The following LHPP variants were observed in gnomAD, a reference collection of about 807,000 sequenced individuals.
LHPP encodes hLHPP.
Under a neutral mutation model 30.3 loss-of-function variants are expected in LHPP, and 24 were observed. The ratio of observed to expected loss-of-function variants is 0.79; its 90% CI spans 0.57 to 1.11. The LOEUF (loss-of-function observed/expected upper bound fraction) is 1.11. Ranked by LOEUF, LHPP falls within the 50% of genes most tolerant of loss-of-function variation. The pLI is 0.00. For missense variants in LHPP, 356 were observed against 367.2 expected, an observed-to-expected ratio of 0.97 and a Z score of 0.25; for synonymous variants, 150 against 157.1, an observed-to-expected ratio of 0.95 and a Z score of 0.34.
At chr10:124,470,302 C>G (rs551521306) in intron 1 of LHPP, among the ~76,000 whole-genome samples, 1 of 152,128 alleles carries the variant, frequency 6.6e-6, no homozygotes, top group African/African-American at 2.4e-5. Flanking sequence ...AGCCCAGGCC[C>G]GGCTCGGCGT....
At chr10:124,471,846 C>G (rs1050416992) in intron 1 of LHPP, among the ~76,000 whole-genome samples, 4 of 147,398 alleles carry the variant, frequency 2.7e-5, no homozygotes, top group Non-Finnish European at 4.5e-5. Context: ...ATTGCCCAGG[C>G]TGGTCTCAAA....
At chr10:124,568,218 CTTAT>C (rs1189556654) in intron 6 of LHPP, among the ~76,000 whole-genome samples, 1 of 152,162 alleles carries the variant, frequency 6.6e-6, no homozygotes, top group Non-Finnish European at 1.5e-5. Context: ...CCGGCTGGTT[CTTAT>C]TTCTTTAATT....
In LHPP at chr10:124,576,134, G is replaced by A. The variant is rs1193685449; in HGVS notation, c.717-37130G>A. 5.3e-5 allele frequency among the ~76,000 whole-genome samples: 8 copies of A among 152,110 alleles called. No homozygotes were observed. Among genetic ancestry groups the A allele is most frequent in the Admixed American group, 4.6e-4 (7 of 15,280 alleles). ...AACCACTGTGTTCACTGAACACCCC[G>A]GGCTTGATCAGCTGCTGAGGGTGAC... On this transcript the variant is annotated intron_variant, in intron 6 of 6. Transcript: ENST00000368842. The surrounding 1 kb of genome is among the most constrained non-coding windows in gnomAD (Gnocchi z 4.2).
In LHPP at chr10:124,592,815, G is replaced by T. The variant is rs1948897698; in HGVS notation, c.717-20449G>T. ...TGGAGATGAAAACTGAAGAAAACAA[G>T]ATTCCGTCTAGGAATCGTCCAGGGC... On this transcript the variant is annotated intron_variant, in intron 6 of 6. Transcript: ENST00000368842. The surrounding 1 kb of genome is among the most constrained non-coding windows in gnomAD (Gnocchi z 6.2). 1.3e-5 allele frequency among the ~76,000 whole-genome samples: 2 copies of T among 152,250 alleles called. No homozygotes were observed. The highest frequency in any genetic ancestry group is 4.8e-5 in the African/African-American group (2 of 41,476).
intron 6 of LHPP, among the ~76,000 whole-genome samples, chr10:124,603,781 T>C: frequency 6.6e-6 from 1 of 151,734 alleles, no homozygotes; most frequent in South Asian, 2.1e-4. Flanking sequence ...GGCTGGAGGG[T>C]CCCCACGCTG....
chr10:124,499,020 T>C (rs1056802119), intron 5 of LHPP, among the ~76,000 whole-genome samples: 2 of 149,586 alleles, frequency 1.3e-5, no homozygotes, highest in South Asian at 2.1e-4. Flanking sequence ...GAGCTGGGAC[T>C]ACAGGTGTGC....
Position 124,510,549 on chromosome 10 carries a change from C to G in LHPP, c.625-6631C>G, listed in dbSNP as rs1281361101. ...AGAGACCACGTTCCTCTGGTCCTGTCTCCGTGGGCCACATCCACAAATGTT... is the reference window on the plus strand; with the variant it reads ...AGAGACCACGTTCCTCTGGTCCTGTGTCCGTGGGCCACATCCACAAATGTT... On this transcript the variant is annotated intron_variant, in intron 5 of 6. Transcript: ENST00000368842. The surrounding 1 kb of genome is among the most constrained non-coding windows in gnomAD (Gnocchi z 4.0). 6.6e-6 allele frequency among the ~76,000 whole-genome samples: 1 copy of G among 152,240 alleles called. No homozygotes were observed. The highest frequency in any genetic ancestry group is 1.5e-5 in the Non-Finnish European group (1 of 68,040).
intron 1 of LHPP, among the ~76,000 whole-genome samples, chr10:124,482,690 C>T (rs1172809409): frequency 6.6e-5 from 10 of 152,112 alleles, no homozygotes; most frequent in South Asian, 2.1e-4. Context: ...TCCTGGTGGG[C>T]GCCAGGTCCT....
chr10:124,559,756 G>C (rs1321808054), intron 6 of LHPP, among the ~76,000 whole-genome samples: 6 of 152,272 alleles, frequency 3.9e-5, no homozygotes, highest in African/African-American at 1.4e-4. Context: ...TCTTGGAAGT[G>C]CTGGGTTTTC....
chr10:124,522,788 T>C (rs981255249), intron 6 of LHPP, among the ~76,000 whole-genome samples: 5 of 150,672 alleles, frequency 3.3e-5, no homozygotes, highest in Admixed American at 3.3e-4. Context: ...CTCATCTTCC[T>C]TGGAGGATGG....
intron 6 of LHPP, among the ~76,000 whole-genome samples, chr10:124,579,100 C>T (rs1948711844): frequency 6.6e-6 from 1 of 152,238 alleles, no homozygotes; most frequent in African/African-American, 2.4e-5. Context: ...TACCAGCAAG[C>T]AGATACATGT....
intron 6 of LHPP, among the ~76,000 whole-genome samples, chr10:124,540,060 GATT>G: frequency 6.6e-6 from 1 of 152,184 alleles, no homozygotes; most frequent in Non-Finnish European, 1.5e-5. Flanking sequence ...TCATCAGTAT[GATT>G]ATTTAGGGAA....
chr10:124,493,424 C>G (rs1404414632), intron 3 of LHPP, among the ~76,000 whole-genome samples: 1 of 152,192 alleles, frequency 6.6e-6, no homozygotes, highest in Non-Finnish European at 1.5e-5. Context: ...ACCAAGGAGG[C>G]AGGAGCAGCG....
chr10:124,498,973 C>T (rs1953822854), intron 5 of LHPP, among the ~76,000 whole-genome samples: 1 of 151,728 alleles, frequency 6.6e-6, no homozygotes, highest in African/African-American at 2.4e-5. Context: ...CCTCCACCTC[C>T]TGGGTTCAAG....
intron 6 of LHPP, among the ~76,000 whole-genome samples, chr10:124,522,725 C>A (rs10901747): frequency 0.042 from 6,184 of 148,670 alleles, 274 homozygotes; most frequent in East Asian, 0.14. Context: ...CTGCCCACGC[C>A]CCCCCCCAAG....
chr10:124,461,846 G>T lies in LHPP; in HGVS notation c.-17G>T. ...GCGTCGGTTGGGACGCGGAGCTGAG[G>T]AGCAGGGCCGGGCGCCATGGCACCG... is the stretch of plus-strand genomic sequence containing the variant. On this transcript the variant is annotated 5_prime_UTR_variant, in exon 1 of 7. Coordinates refer to ENST00000368842, the MANE Select transcript of LHPP (RefSeq NM_022126.4). The T allele has an allele frequency of 2.4e-6, 3 of 1,238,312 alleles. No homozygotes were observed. Among genetic ancestry groups the T allele is most frequent in the Non-Finnish European group, 3.0e-6 (3 of 987,748 alleles). 76.7% of individuals were successfully genotyped at this position (1,238,312 alleles called of 1,614,324 possible). A position where few individuals can be genotyped will look rare whatever the true frequency, so the allele number is the denominator to read the frequency against.
At chr10:124,583,347 T>G (rs1259804048) in intron 6 of LHPP, among the ~76,000 whole-genome samples, 2 of 152,204 alleles carry the variant, frequency 1.3e-5, no homozygotes, top group African/African-American at 4.8e-5. Context: ...GGGTACAACT[T>G]CTGTTCTTTT....
At chr10:124,472,746 C>T (rs889096668) in intron 1 of LHPP, among the ~76,000 whole-genome samples, 4 of 152,026 alleles carry the variant, frequency 2.6e-5, no homozygotes, top group African/African-American at 9.7e-5. Context: ...TTAGTAGAGA[C>T]GGAGTTTCAC....
chr10:124,492,460 A>G (rs971732623), intron 3 of LHPP, among the ~76,000 whole-genome samples: 1 of 152,188 alleles, frequency 6.6e-6, no homozygotes, highest in African/African-American at 2.4e-5. Flanking sequence ...TGCGCGCAGC[A>G]GAGTCGTAAG....
Sources: gnomAD v4.1 joint callset for allele counts (sites outside exome capture counted in the v4.1 genomes callset) on GRCh38, gnomAD v4.1.1 for gene constraint, Gnocchi (gnomAD v3.1) non-coding constraint, MANE v1.5 for transcripts, NCBI Gene and HGNC (gene_info 2026-07-23, HGNC 2026-07-21) for gene names.